Variants in KLHL32 observed in about 807,000 individuals in gnomAD.
The protein encoded by KLHL32 is kelch-like protein 32.
Under a neutral mutation model 64.8 loss-of-function variants are expected in KLHL32, and 35 were observed. The ratio of observed to expected loss-of-function variants is 0.54; its 90% CI spans 0.41 to 0.72. KLHL32 has a LOEUF of 0.72. Among genes scored for constraint, KLHL32 ranks in the 30% least tolerant of loss-of-function variants. The probability of loss-of-function intolerance (pLI) is 0.00; values close to 1 mark genes in which losing one functional copy is unlikely to be tolerated. For missense variants in KLHL32, 589 were observed against 768.5 expected (o/e 0.77, Z 2.76); for synonymous variants, 259 against 281.0 (o/e 0.92, Z 0.78).
rs1229567699 is a variant in KLHL32 at position 97,140,528 on chromosome 6, A to ACTT, written c.*1247_*1249dup. The ACTT allele has an allele frequency of 8.5e-5, 13 of 152,074 alleles. No individual in the cohort carries two copies. The highest frequency in any genetic ancestry group is 1.9e-4 in the Non-Finnish European group (13 of 67,910). The allele number at this position is 152,074 out of a possible 1,614,324, so 9.4% of individuals were successfully genotyped here. ...TCTATAACAAAAAATAAATACAACA[A>ACTT]CTTAATAATCACATTTGAAAACAAA... On this transcript the variant is annotated 3_prime_UTR_variant, in exon 11 of 11. Coordinates refer to ENST00000369261, the MANE Select transcript of KLHL32 (RefSeq NM_052904.4).
chr6:97,028,681 C>T lies in KLHL32; in HGVS notation c.205-12811C>T, dbSNP rs138149979. ...CTAGGTTATGTCTCAGTTGGGGTGTCCTTAGAAGTTTGTGAAGAGCAGGAT... is the reference window on the plus strand; with the variant it reads ...CTAGGTTATGTCTCAGTTGGGGTGTTCTTAGAAGTTTGTGAAGAGCAGGAT... On this transcript the variant is annotated intron_variant, in intron 3 of 10. Transcript: ENST00000369261. Among the ~76,000 whole-genome samples, 455 of 152,266 alleles carry T rather than the reference C, an allele frequency of 3.0e-3. 3 individuals carry two copies. Among genetic ancestry groups the T allele is most frequent in the Middle Eastern group, 0.01 (3 of 294 alleles).
At chr6:97,072,535 C>G (rs1790909556) in intron 5 of KLHL32, among the ~76,000 whole-genome samples, 1 of 145,934 alleles carries the variant, frequency 6.9e-6, no homozygotes, top group Non-Finnish European at 1.5e-5. Flanking sequence ...CAGGGCCTGT[C>G]TTTATTATGA....
chr6:96,955,492 CAA>C (rs1308795851), intron 1 of KLHL32, among the ~76,000 whole-genome samples: 1 of 151,990 alleles, frequency 6.6e-6, no homozygotes, highest in Admixed American at 6.5e-5. Flanking sequence ...GTTATTTCCT[CAA>C]GAGAAAGATG....
chr6:97,056,106 CTT>C (rs1171932769), intron 4 of KLHL32, among the ~76,000 whole-genome samples: 20 of 85,070 alleles, frequency 2.4e-4, no homozygotes, highest in Non-Finnish European at 4.1e-4. Flanking sequence ...CTTTTTTTTT[CTT>C]TTTTTTTTTT....
intron 2 of KLHL32, among the ~76,000 whole-genome samples, chr6:96,973,741 T>TTTTTTTTTTTTTTTTTTA (rs3032640): frequency 6.7e-6 from 1 of 149,450 alleles, no homozygotes; most frequent in African/African-American, 2.5e-5. Flanking sequence ...TTTTTTTTTT[T>TTTTTTTTTTTTTTTTTTA]AGACAGAGTC....
chr6:97,052,729 G>A (rs1462613664), intron 4 of KLHL32, among the ~76,000 whole-genome samples: 1 of 152,138 alleles, frequency 6.6e-6, no homozygotes, highest in Non-Finnish European at 1.5e-5. Flanking sequence ...GTATTGACTC[G>A]ATTGAGAAGG....
At chr6:97,049,664 G>A (rs905402169) in intron 4 of KLHL32, among the ~76,000 whole-genome samples, 1 of 152,188 alleles carries the variant, frequency 6.6e-6, no homozygotes, top group Non-Finnish European at 1.5e-5. Flanking sequence ...CTATGCCAGA[G>A]TCCATAACTG....
chr6:97,036,321 T>G (rs1210196245), intron 3 of KLHL32, among the ~76,000 whole-genome samples: 1 of 152,224 alleles, frequency 6.6e-6, no homozygotes, highest in East Asian at 1.9e-4. Context: ...CAATGATAAT[T>G]TCTTAAAACA....
At chr6:97,039,089 C>CAAAAAAAAAAAAA (rs535614966) in intron 3 of KLHL32, among the ~76,000 whole-genome samples, 2 of 75,080 alleles carry the variant, frequency 2.7e-5, no homozygotes, top group African/African-American at 4.3e-5. Flanking sequence ...GACTCTGTCT[C>CAAAAAAAAAAAAA]AAAAAAAAAA....
chr6:97,135,010 C>T (rs1160787791), intron 10 of KLHL32, among the ~76,000 whole-genome samples: 1 of 152,082 alleles, frequency 6.6e-6, no homozygotes, highest in Non-Finnish European at 1.5e-5. Flanking sequence ...TAAACAAATG[C>T]ATATTTTAAA....
In KLHL32 at chr6:97,100,966, C is replaced by CTTTTTTTTTTTT. The variant is rs58422496; in HGVS notation, c.628-12807_628-12796dup. ...ACAGGCATGTGCCACTGCAGCCAAG[C>CTTTTTTTTTTTT]TTTTTTTTTTTTTTTTTTTTTGGTA... On this transcript the variant is annotated intron_variant, in intron 6 of 10. Transcript: ENST00000369261. Among the ~76,000 whole-genome samples the CTTTTTTTTTTTT allele has an allele frequency of 1.7e-3, 117 of 69,472 alleles. 19 individuals are homozygous for CTTTTTTTTTTTT. Among genetic ancestry groups the CTTTTTTTTTTTT allele is most frequent in the African/African-American group, 6.2e-3 (88 of 14,098 alleles). 45.6% of individuals were successfully genotyped at this position (69,472 alleles called of 152,430 possible).
chr6:96,926,777 C>T (rs1769217924), intron 1 of KLHL32, among the ~76,000 whole-genome samples: 1 of 152,098 alleles, frequency 6.6e-6, no homozygotes. Context: ...TGTCCAGGCT[C>T]TAAAACATGA....
intron 3 of KLHL32, among the ~76,000 whole-genome samples, chr6:97,035,934 T>C (rs993618718): frequency 1.3e-5 from 2 of 152,154 alleles, no homozygotes; most frequent in Non-Finnish European, 2.9e-5. Context: ...CTCCTTTCTA[T>C]TTCTCTTCTC....
chr6:97,037,790 AC>A (rs1462720117), intron 3 of KLHL32, among the ~76,000 whole-genome samples: 2 of 152,232 alleles, frequency 1.3e-5, no homozygotes, highest in Non-Finnish European at 2.9e-5. Flanking sequence ...AGCTATAGTA[AC>A]TAAATTAGCC....
intron 7 of KLHL32, among the ~76,000 whole-genome samples, chr6:97,118,503 C>T (rs1289034562): frequency 6.7e-6 from 1 of 150,060 alleles, no homozygotes; most frequent in African/African-American, 2.5e-5. Context: ...CCTGTAATCG[C>T]AGCTACTTGG....
At chr6:97,038,728 G>A (rs9487811) in intron 3 of KLHL32, among the ~76,000 whole-genome samples, 26,168 of 151,800 alleles carry the variant, frequency 0.17, 2,616 homozygotes, top group African/African-American at 0.29. Flanking sequence ...TATCTCCAAA[G>A]GAAAGGAAAT....
intron 2 of KLHL32, among the ~76,000 whole-genome samples, chr6:96,969,184 C>G (rs184897841): frequency 2.6e-5 from 4 of 152,270 alleles, no homozygotes; most frequent in Non-Finnish European, 5.9e-5. Flanking sequence ...TGCTTATCTC[C>G]AAAGACCATC....
At position 97,089,453 on chromosome 6, in the gene KLHL32, A is replaced by G. The variant is rs75253101; in HGVS notation, c.627+4112A>G. Among the ~76,000 whole-genome samples the G allele has an allele frequency of 5.2e-3, 790 of 152,288 alleles. 9 individuals are homozygous for G. The highest frequency in any genetic ancestry group is 0.018 in the African/African-American group (733 of 41,570). On this transcript the variant is annotated intron_variant, in intron 6 of 10. Transcript: ENST00000369261. ...ATTATTAATGTATTAACTGTTTCTT[A>G]CTTTTAGTGAGAACTTATTATTTTG... is the stretch of plus-strand genomic sequence containing the variant.
intron 10 of KLHL32, among the ~76,000 whole-genome samples, chr6:97,134,198 G>A (rs894631883): frequency 2.6e-5 from 4 of 152,110 alleles, no homozygotes; most frequent in Non-Finnish European, 4.4e-5. Context: ...GAAAGTAGAA[G>A]AGGAGAGATG....
Sources: gnomAD v4.1 joint callset for allele counts (sites outside exome capture counted in the v4.1 genomes callset) on GRCh38, gnomAD v4.1.1 for gene constraint, MANE v1.5 for transcripts, NCBI Gene and HGNC (gene_info 2026-07-23, HGNC 2026-07-21) for gene names.